Variants in PCDH9 observed in about 807,000 individuals in gnomAD.
The protein encoded by PCDH9 is protocadherin-9.
PCDH9 carries 24 observed loss-of-function variants against 70.6 expected under a neutral mutation model. That is an observed-to-expected ratio of 0.34 (90% confidence interval 0.25 to 0.48). The LOEUF (loss-of-function observed/expected upper bound fraction) is 0.48. Among genes scored for constraint, PCDH9 ranks in the 20% least tolerant of loss-of-function variants. The pLI is 0.99. For missense variants in PCDH9, 1,281 were observed against 1,503.6 expected (o/e 0.85, Z 2.45); for synonymous variants, 562 against 558.5 (o/e 1.01, Z -0.09).
intron 2 of PCDH9, among the ~76,000 whole-genome samples, chr13:67,062,701 G>A (rs79997865): frequency 0.024 from 3,686 of 152,090 alleles, 121 homozygotes; most frequent in South Asian, 0.069. Context: ...AGCAATCTAC[G>A]GAATTATAAA....
At chr13:66,618,707 A>G (rs2077387954) in intron 4 of PCDH9, among the ~76,000 whole-genome samples, 1 of 152,180 alleles carries the variant, frequency 6.6e-6, no homozygotes, top group Non-Finnish European at 1.5e-5. Flanking sequence ...CTATTTATCT[A>G]TCATTTTTAC....
At chr13:66,564,194 T>C (rs1040027789) in intron 4 of PCDH9, among the ~76,000 whole-genome samples, 2 of 152,096 alleles carry the variant, frequency 1.3e-5, no homozygotes, top group Non-Finnish European at 2.9e-5. Context: ...AGACAATGTG[T>C]TGCTTTTTCA....
intron 3 of PCDH9, among the ~76,000 whole-genome samples, chr13:66,811,641 C>T (rs888853707): frequency 6.7e-6 from 1 of 149,546 alleles, no homozygotes; most frequent in Non-Finnish European, 1.5e-5. Flanking sequence ...CCTGCCTAAC[C>T]TGCCTTCCTG....
At chr13:67,066,075 T>G (rs936323134) in intron 2 of PCDH9, among the ~76,000 whole-genome samples, 1 of 152,110 alleles carries the variant, frequency 6.6e-6, no homozygotes, top group Admixed American at 6.5e-5. Context: ...CTTAAGAAAT[T>G]TAGTTTTCAA....
At position 66,590,951 on chromosome 13, in the gene PCDH9, CAT is replaced by C. The variant is rs796828639; in HGVS notation, c.3340+40257_3340+40258del. Among the ~76,000 whole-genome samples, 77 of 151,700 alleles carry C rather than the reference CAT, an allele frequency of 5.1e-4. 1 individual carries two copies. Among genetic ancestry groups the C allele is most frequent in the African/African-American group, 1.8e-3 (75 of 41,476 alleles). ...TATCAGTATCCAAATAAACCCAAAA[CAT>C]GTGGTTCTGTAAAAATATGATTTTA... On this transcript the variant is annotated intron_variant, in intron 4 of 4. Transcript: ENST00000377865.
At chr13:66,448,092 GAA>G (rs936770050) in intron 4 of PCDH9, among the ~76,000 whole-genome samples, 5 of 151,656 alleles carry the variant, frequency 3.3e-5, no homozygotes, top group African/African-American at 1.2e-4. Context: ...ATCCAATAAA[GAA>G]AAAAAATGCT....
At chr13:66,965,611 C>T (rs190726091) in intron 2 of PCDH9, among the ~76,000 whole-genome samples, 6 of 151,874 alleles carry the variant, frequency 4.0e-5, no homozygotes, top group African/African-American at 7.2e-5. Context: ...TTTTTCCCTC[C>T]GTCGGGGCCA....
chr13:67,136,264 G>A (rs564677958), intron 2 of PCDH9, among the ~76,000 whole-genome samples: 20 of 152,150 alleles, frequency 1.3e-4, no homozygotes, highest in Non-Finnish European at 1.8e-4. Context: ...CGTAGCCTAG[G>A]TGTGTAGTAG....
intron 2 of PCDH9, among the ~76,000 whole-genome samples, chr13:67,022,832 T>C (rs2084705408): frequency 6.6e-6 from 1 of 152,164 alleles, no homozygotes; most frequent in Non-Finnish European, 1.5e-5. Flanking sequence ...CGTTCAGACA[T>C]CAAAGGCTCC....
chr13:66,333,124 T>C (rs1955972584), intron 4 of PCDH9, among the ~76,000 whole-genome samples: 1 of 152,080 alleles, frequency 6.6e-6, no homozygotes. Context: ...TACTAGCCCA[T>C]GTCAAATGCA....
At chr13:67,067,978 C>T (rs1288466223) in intron 2 of PCDH9, among the ~76,000 whole-genome samples, 2 of 152,016 alleles carry the variant, frequency 1.3e-5, no homozygotes, top group African/African-American at 2.4e-5. Context: ...GTGATGACAG[C>T]ATGTAGTTTT....
chr13:66,652,939 C>G (rs988360181), intron 3 of PCDH9, among the ~76,000 whole-genome samples: 3 of 152,106 alleles, frequency 2.0e-5, no homozygotes, highest in African/African-American at 7.2e-5. Context: ...ACTGCATATC[C>G]ACATGCAGAA....
intron 2 of PCDH9, among the ~76,000 whole-genome samples, chr13:67,084,875 G>A (rs763093368): frequency 6.8e-6 from 1 of 146,600 alleles, no homozygotes; most frequent in Non-Finnish European, 1.5e-5. Context: ...GCTGAGGCAG[G>A]AGAATCGCTT....
intron 4 of PCDH9, among the ~76,000 whole-genome samples, chr13:66,554,324 C>G (rs138526247): frequency 4.2e-4 from 64 of 152,120 alleles, no homozygotes; most frequent in African/African-American, 1.3e-3. Context: ...TCTTTTGCAA[C>G]TTTAAAGTAG....
At chr13:66,835,066 G>C (rs967193732) in intron 3 of PCDH9, among the ~76,000 whole-genome samples, 1 of 152,222 alleles carries the variant, frequency 6.6e-6, no homozygotes, top group Admixed American at 6.5e-5. Context: ...GTTCTGTGGA[G>C]AGACAGAATC....
chr13:67,057,642 A>G (rs2085449171), intron 2 of PCDH9, among the ~76,000 whole-genome samples: 1 of 152,142 alleles, frequency 6.6e-6, no homozygotes, highest in Non-Finnish European at 1.5e-5. Flanking sequence ...CTTTGAATTC[A>G]GAAAGATCTA....
chr13:66,579,772 G>T (rs1292354177), intron 4 of PCDH9, among the ~76,000 whole-genome samples: 1 of 151,908 alleles, frequency 6.6e-6, no homozygotes, highest in Non-Finnish European at 1.5e-5. Context: ...AGAAAAAGAA[G>T]GATAAAAGGT....
At chr13:66,828,058 G>A (rs886704392) in intron 3 of PCDH9, among the ~76,000 whole-genome samples, 6 of 152,064 alleles carry the variant, frequency 3.9e-5, no homozygotes, top group Non-Finnish European at 7.4e-5. Flanking sequence ...TAGCCACTGA[G>A]AAATTAAATT....
intron 4 of PCDH9, among the ~76,000 whole-genome samples, chr13:66,621,555 T>G (rs1312928846): frequency 6.6e-6 from 1 of 152,248 alleles, no homozygotes; most frequent in Non-Finnish European, 1.5e-5. Flanking sequence ...TCGGCGTATA[T>G]GAGTTTTATT....
Sources: gnomAD v4.1 joint callset for allele counts (sites outside exome capture counted in the v4.1 genomes callset) on GRCh38, gnomAD v4.1.1 for gene constraint, MANE v1.5 for transcripts, NCBI Gene and HGNC (gene_info 2026-07-23, HGNC 2026-07-21) for gene names.